The following PHF24 variants were observed in gnomAD, a reference collection of about 807,000 sequenced individuals.
PHF24 encodes PHD finger protein 24.
PHF24 carries 25 observed loss-of-function variants against 42.6 expected under a neutral mutation model. That is an observed-to-expected ratio of 0.59 (90% CI 0.43 to 0.82). PHF24 has a LOEUF of 0.82. PHF24 is among the 40% of genes least tolerant of loss of function. The pLI, the probability that PHF24 is intolerant of heterozygous loss-of-function variation, is 0.00. For synonymous variants in PHF24, 185 were observed against 204.8 expected (o/e 0.90, Z 0.83); for missense variants, 470 against 538.1 (o/e 0.87, Z 1.25).
At chr9:34,855,563 G>C in the PHF24 span, among the ~76,000 whole-genome samples, 5 of 152,100 alleles carry the variant, frequency 3.3e-5, no homozygotes, top group African/African-American at 1.2e-4. Flanking sequence ...TTAAATTCTG[G>C]GTTAGAAATT....
At chr9:34,935,135 G>A in the PHF24 span, among the ~76,000 whole-genome samples, 1 of 152,186 alleles carries the variant, frequency 6.6e-6, no homozygotes, top group Non-Finnish European at 1.5e-5. Context: ...TAAGGTAAGA[G>A]GGAATGATCA....
At chr9:34,859,580 T>G in the PHF24 span, among the ~76,000 whole-genome samples, 1 of 151,984 alleles carries the variant, frequency 6.6e-6, no homozygotes, top group Non-Finnish European at 1.5e-5. Context: ...TTTTGATGTT[T>G]CTGTGGAAGA....
At chr9:34,823,786 G>A in the PHF24 span, among the ~76,000 whole-genome samples, 157 of 152,284 alleles carry the variant, frequency 1.0e-3, no homozygotes, top group African/African-American at 3.7e-3. Context: ...GCTTGAGAGG[G>A]AGGCACTGAG....
At chr9:34,875,942 A>ACT in the PHF24 span, among the ~76,000 whole-genome samples, 16 of 86,880 alleles carry the variant, frequency 1.8e-4, no homozygotes, top group South Asian at 1.5e-3. Context: ...ACACACACAC[A>ACT]CACACACACT....
At chr9:34,918,680 C>T in the PHF24 span, among the ~76,000 whole-genome samples, 1 of 152,164 alleles carries the variant, frequency 6.6e-6, no homozygotes, top group Non-Finnish European at 1.5e-5. Flanking sequence ...TTTTAAATTG[C>T]AGTGTACTAA....
chr9:34,720,180 C>T, the PHF24 span, among the ~76,000 whole-genome samples: 10 of 152,140 alleles, frequency 6.6e-5, no homozygotes, highest in Non-Finnish European at 1.2e-4. Context: ...CGCGGTGGCT[C>T]ACGCCTGTAA....
chr9:34,843,840 G>C, the PHF24 span, among the ~76,000 whole-genome samples: 1 of 151,766 alleles, frequency 6.6e-6, no homozygotes. Flanking sequence ...TGAAAATGTT[G>C]GGATTACAGG....
At chr9:34,907,501 C>T in the PHF24 span, among the ~76,000 whole-genome samples, 48 of 152,234 alleles carry the variant, frequency 3.2e-4, no homozygotes, top group Non-Finnish European at 5.7e-4. Context: ...GGACATTTCC[C>T]CTTTGCCACC....
the PHF24 span, among the ~76,000 whole-genome samples, chr9:34,818,312 A>G: frequency 6.6e-6 from 1 of 152,168 alleles, no homozygotes; most frequent in African/African-American, 2.4e-5. Flanking sequence ...TAGCTGTAGG[A>G]CTTCTGTAGA....
the PHF24 span, among the ~76,000 whole-genome samples, chr9:34,867,435 CCT>C: frequency 0.75 from 113,524 of 152,058 alleles, 42,667 homozygotes; most frequent in East Asian, 0.87. Context: ...CAGGTAGACC[CCT>C]TCAGGGTCTA....
At chr9:34,842,560 C>T in the PHF24 span, among the ~76,000 whole-genome samples, 3 of 152,266 alleles carry the variant, frequency 2.0e-5, no homozygotes, top group South Asian at 6.2e-4. Context: ...GTTTGCCCCT[C>T]CCACCATATG....
chr9:34,877,777 C>T, the PHF24 span, among the ~76,000 whole-genome samples: 42 of 151,852 alleles, frequency 2.8e-4, no homozygotes, highest in African/African-American at 9.9e-4. Context: ...GCAGAATGTG[C>T]AGTTTTGTTA....
chr9:34,895,660 GATGGATCCATAGGTGTAT>G, the PHF24 span: 1 of 403,084 alleles, frequency 2.5e-6, no homozygotes, highest in South Asian at 1.3e-4. Context: ...CAATAATGCA[GATGGATCCATAGGTGTAT>G]AAGGGATATC....
the PHF24 span, among the ~76,000 whole-genome samples, chr9:34,822,557 C>T: frequency 6.6e-6 from 1 of 152,168 alleles, no homozygotes; most frequent in African/African-American, 2.4e-5. Context: ...TTCCGTACTT[C>T]CAAGAAAGGC....
the PHF24 span, among the ~76,000 whole-genome samples, chr9:34,906,046 G>A: frequency 1.5e-4 from 23 of 152,214 alleles, no homozygotes; most frequent in South Asian, 4.6e-3. Context: ...CAGTCCTGAG[G>A]GTTGAGAAGG....
At chr9:34,767,871 T>G in the PHF24 span, among the ~76,000 whole-genome samples, 251 of 152,368 alleles carry the variant, frequency 1.6e-3, no homozygotes, top group African/African-American at 5.9e-3. Context: ...CAGTTTTAAA[T>G]GTAAATATCA....
At chr9:34,877,664 A>T in the PHF24 span, among the ~76,000 whole-genome samples, 1 of 152,118 alleles carries the variant, frequency 6.6e-6, no homozygotes, top group Non-Finnish European at 1.5e-5. Flanking sequence ...AATTTTTTTT[A>T]ATGCTCAGTG....
the PHF24 span, among the ~76,000 whole-genome samples, chr9:34,931,948 G>A: frequency 6.6e-6 from 1 of 152,196 alleles, no homozygotes; most frequent in African/African-American, 2.4e-5. Flanking sequence ...TATATTGAAG[G>A]GACTTGGGCT....
chr9:34,968,397 C>T (rs1826854294), intron 1 of PHF24, among the ~76,000 whole-genome samples: 2 of 152,208 alleles, frequency 1.3e-5, no homozygotes, highest in African/African-American at 4.8e-5. Context: ...TGAATGTGCT[C>T]AATAAATCTT....
Sources: gnomAD v4.1 joint callset for allele counts (sites outside exome capture counted in the v4.1 genomes callset) on GRCh38, gnomAD v4.1.1 for gene constraint, MANE v1.5 for transcripts, NCBI Gene and HGNC (gene_info 2026-07-23, HGNC 2026-07-21) for gene names.